Variants in PLCB1 observed in about 807,000 individuals in gnomAD.
PLCB1 encodes the protein phospholipase C beta 1.
Under a neutral mutation model 161.8 loss-of-function variants are expected in PLCB1, and 46 were observed. The ratio of observed to expected loss-of-function variants is 0.28; its 90% CI spans 0.22 to 0.36. The LOEUF (loss-of-function observed/expected upper bound fraction) is 0.36, where lower values mean the gene tolerates loss of function less well. Among genes scored for constraint, PLCB1 ranks in the 10% least tolerant of loss-of-function variants. The probability of loss-of-function intolerance (pLI) is 1.00; values close to 1 mark genes in which losing one functional copy is unlikely to be tolerated. For missense variants in PLCB1, 1,016 were observed against 1,472.5 expected, an observed-to-expected ratio of 0.69 and a Z score of 5.07; for synonymous variants, 517 against 503.7, an observed-to-expected ratio of 1.03 and a Z score of -0.35.
intron 10 of PLCB1, among the ~76,000 whole-genome samples, chr20:8,696,479 GGT>G: frequency 6.6e-6 from 1 of 152,132 alleles, no homozygotes; most frequent in Middle Eastern, 3.4e-3. Flanking sequence ...GGCTGTTTCA[GGT>G]TCCTTAACAT....
chr20:8,851,845 G>A (rs1162694314), intron 31 of PLCB1, among the ~76,000 whole-genome samples: 1 of 151,774 alleles, frequency 6.6e-6, no homozygotes, highest in East Asian at 1.9e-4. Context: ...GCAATTTAGA[G>A]GCAGTTACCC....
Position 8,717,722 on chromosome 20 carries a change from T to A in PLCB1, c.1387T>A (p.Leu463Met), listed in dbSNP as rs756296631. The A allele has an allele frequency of 1.9e-6, 3 of 1,613,636 alleles. No individual in the cohort carries two copies. Among genetic ancestry groups the A allele is most frequent in the Non-Finnish European group, 2.5e-6 (3 of 1,179,758 alleles). ...CCCTATGGATTTAATGTATAAAATT[T>A]TGGTGAAAAATAAGAAGAAATCACA... ...PSPMDLMYKI[L>M]VKNKKKSHKS... Residue 463 changes from leucine to methionine, a missense_variant, in exon 14 of 32, where the codon TTG (leucine) becomes ATG (methionine). Physicochemically the swap from Leu to Met is conservative, Grantham distance 15. Coordinates refer to ENST00000338037, the MANE Select transcript of PLCB1 (RefSeq NM_015192.4).
intron 2 of PLCB1, among the ~76,000 whole-genome samples, chr20:8,333,644 T>C (rs1600322491): frequency 6.6e-6 from 1 of 152,172 alleles, no homozygotes; most frequent in Non-Finnish European, 1.5e-5. Context: ...TGTACTCTTA[T>C]AACCTAAAAA....
chr20:8,422,303 G>T (rs1979571907), intron 3 of PLCB1, among the ~76,000 whole-genome samples: 1 of 152,186 alleles, frequency 6.6e-6, no homozygotes, highest in Non-Finnish European at 1.5e-5. Context: ...CAGAATTGCA[G>T]CTTGGCTTTC....
chr20:8,255,887 G>T (rs1981383543), intron 2 of PLCB1, among the ~76,000 whole-genome samples: 2 of 152,106 alleles, frequency 1.3e-5, no homozygotes, highest in South Asian at 2.1e-4. Flanking sequence ...TATGATGGTG[G>T]TCTTATAAGA....
At chr20:8,502,706 A>G (rs1983473861) in intron 3 of PLCB1, among the ~76,000 whole-genome samples, 2 of 152,116 alleles carry the variant, frequency 1.3e-5, no homozygotes, top group South Asian at 4.1e-4. Context: ...TGAAGAAAAT[A>G]TTTTGTTCTG....
chr20:8,209,093 GT>G (rs1978679414), intron 2 of PLCB1, among the ~76,000 whole-genome samples: 1 of 152,066 alleles, frequency 6.6e-6, no homozygotes, highest in Non-Finnish European at 1.5e-5. Context: ...AGAAAAACTG[GT>G]TCTATGGATT....
At chr20:8,270,254 G>C (rs1015168005) in intron 2 of PLCB1, among the ~76,000 whole-genome samples, 3 of 151,966 alleles carry the variant, frequency 2.0e-5, no homozygotes, top group Non-Finnish European at 4.4e-5. Context: ...ACATTACATT[G>C]ACTTTCTTCA....
At chr20:8,867,992 G>A (rs1324186710) in intron 31 of PLCB1, among the ~76,000 whole-genome samples, 3 of 151,932 alleles carry the variant, frequency 2.0e-5, no homozygotes, top group Non-Finnish European at 2.9e-5. Context: ...TTATTTTATG[G>A]TTCTATATTT....
intron 31 of PLCB1, among the ~76,000 whole-genome samples, chr20:8,812,198 T>C (rs1000870442): frequency 4.6e-5 from 7 of 152,178 alleles, no homozygotes; most frequent in Non-Finnish European, 1.0e-4. Flanking sequence ...TGCCCCCTTC[T>C]TCCTCAGGCC....
chr20:8,634,823 G>A (rs1172883146), intron 4 of PLCB1, among the ~76,000 whole-genome samples: 3 of 152,134 alleles, frequency 2.0e-5, no homozygotes, highest in Admixed American at 2.0e-4. Context: ...CTACCCTCAG[G>A]TACTGATGAT....
intron 31 of PLCB1, among the ~76,000 whole-genome samples, chr20:8,829,810 C>T (rs1030569751): frequency 6.6e-6 from 1 of 152,146 alleles, no homozygotes; most frequent in Non-Finnish European, 1.5e-5. Context: ...AAAAATTTGC[C>T]TGACTGAAAG....
At chr20:8,709,502 C>A (rs527480260) in intron 12 of PLCB1, among the ~76,000 whole-genome samples, 129 of 152,298 alleles carry the variant, frequency 8.5e-4, no homozygotes, top group Admixed American at 4.0e-3. Flanking sequence ...CAACTAAAAG[C>A]CAGCAGCACC....
At chr20:8,801,976 C>A in intron 31 of PLCB1, 1 of 882,304 alleles carries the variant, frequency 1.1e-6, no homozygotes, top group Non-Finnish European at 1.9e-6. Context: ...ACGTCCCAGA[C>A]AAATAATTGG....
At chr20:8,340,568 G>A (rs1038896250) in intron 2 of PLCB1, among the ~76,000 whole-genome samples, 5 of 151,908 alleles carry the variant, frequency 3.3e-5, no homozygotes, top group East Asian at 1.9e-4. Flanking sequence ...GACTACAGGC[G>A]CCCGCCACCA....
intron 10 of PLCB1, among the ~76,000 whole-genome samples, chr20:8,690,120 T>A (rs1337152358): frequency 7.1e-6 from 1 of 141,138 alleles, no homozygotes; most frequent in East Asian, 2.1e-4. Context: ...TAAATTGTAT[T>A]CTCATCTAAG....
At chr20:8,458,095 T>C (rs6086458) in intron 3 of PLCB1, among the ~76,000 whole-genome samples, 28,785 of 151,534 alleles carry the variant, frequency 0.19, 3,320 homozygotes, top group East Asian at 0.53. Context: ...GCTAACTAGA[T>C]GTGAACATCT....
chr20:8,659,893 GAGGT>G (rs1322339834), intron 9 of PLCB1, among the ~76,000 whole-genome samples: 1 of 151,274 alleles, frequency 6.6e-6, no homozygotes, highest in Non-Finnish European at 1.5e-5. Context: ...TCAAAAGACT[GAGGT>G]AGGAGAATTG....
intron 9 of PLCB1, among the ~76,000 whole-genome samples, chr20:8,669,296 C>T (rs2123356421): frequency 6.6e-6 from 1 of 152,270 alleles, no homozygotes; most frequent in African/African-American, 2.4e-5. Flanking sequence ...TTGCTCTAAG[C>T]TCTTTACCTG....
Sources: gnomAD v4.1 joint callset for allele counts (sites outside exome capture counted in the v4.1 genomes callset) on GRCh38, gnomAD v4.1.1 for gene constraint, MANE v1.5 for transcripts, NCBI Gene and HGNC (gene_info 2026-07-23, HGNC 2026-07-21) for gene names.